The following PRKCZ variants were observed in gnomAD, a reference collection of about 807,000 sequenced individuals.
PRKCZ encodes protein kinase C zeta, also known as protein kinase C zeta type.
PRKCZ carries 33 observed loss-of-function variants against 79.5 expected under a neutral mutation model. The observed-to-expected ratio is 0.41, with a 90% confidence interval of 0.31 to 0.55. The LOEUF (loss-of-function observed/expected upper bound fraction) is 0.55, where lower values mean the gene tolerates loss of function less well. PRKCZ is among the 20% of genes least tolerant of loss of function. The pLI is 0.19. For missense variants in PRKCZ, 578 were observed against 813.5 expected (o/e 0.71, Z 3.52); for synonymous variants, 342 against 320.9 (o/e 1.07, Z -0.70).
chr1:2,130,601 C>T (rs938807555), intron 4 of PRKCZ, among the ~76,000 whole-genome samples: 1 of 152,044 alleles, frequency 6.6e-6, no homozygotes, highest in African/African-American at 2.4e-5. Context: ...CTACAGGGGG[C>T]CCAGCAGGCT....
chr1:2,169,827 C>T (rs1249206943), intron 11 of PRKCZ, among the ~76,000 whole-genome samples: 1 of 136,670 alleles, frequency 7.3e-6, no homozygotes, highest in Non-Finnish European at 1.6e-5. Context: ...TGGAGGGGGC[C>T]GGGGACCTTC....
intron 4 of PRKCZ, among the ~76,000 whole-genome samples, chr1:2,118,090 T>C (rs1161543936): frequency 7.2e-6 from 1 of 138,260 alleles, no homozygotes; most frequent in Non-Finnish European, 1.5e-5. Context: ...TCCGCCTCCC[T>C]GGTTCAAGCG....
chr1:2,057,894 G>C (rs1660326102), intron 3 of PRKCZ, among the ~76,000 whole-genome samples: 1 of 148,856 alleles, frequency 6.7e-6, no homozygotes, highest in African/African-American at 2.5e-5. Context: ...TTTAGTTGGA[G>C]TCTCGCTCTG....
chr1:2,122,534 T>C (rs369235925), intron 4 of PRKCZ, among the ~76,000 whole-genome samples: 168 of 11,416 alleles, frequency 0.015, no homozygotes, highest in African/African-American at 0.13. Context: ...GTTAGGGTCA[T>C]GGTGGTGGTT....
At chr1:2,051,756 C>T (rs1422935321) in intron 1 of PRKCZ, among the ~76,000 whole-genome samples, 3 of 152,036 alleles carry the variant, frequency 2.0e-5, no homozygotes, top group Non-Finnish European at 4.4e-5. Context: ...CGAGTCTGAG[C>T]GGGTTCAGCT....
At chr1:2,167,825 G>A (rs139942408) in intron 10 of PRKCZ, among the ~76,000 whole-genome samples, 179 of 152,244 alleles carry the variant, frequency 1.2e-3, no homozygotes, top group African/African-American at 4.2e-3. Flanking sequence ...GGATGGTCTC[G>A]AACTCCTGAC....
intron 4 of PRKCZ, among the ~76,000 whole-genome samples, chr1:2,126,363 C>A (rs1480877384): frequency 6.6e-6 from 1 of 152,154 alleles, no homozygotes; most frequent in East Asian, 1.9e-4. Context: ...CAGGTGCCGC[C>A]CACAGGTTGT....
intron 16 of PRKCZ, among the ~76,000 whole-genome samples, chr1:2,176,262 G>T (rs984555574): frequency 1.2e-4 from 19 of 152,196 alleles, no homozygotes; most frequent in African/African-American, 4.3e-4. Flanking sequence ...GTCCCGAGGG[G>T]CTCTGCGTGC....
chr1:2,074,165 G>C, intron 4 of PRKCZ: 1 of 1,548,966 alleles, frequency 6.5e-7, no homozygotes, highest in Non-Finnish European at 8.7e-7. Flanking sequence ...GAAACGCAGT[G>C]AGAGGCTGTT....
rs772461115 is a variant in PRKCZ at position 2,150,798 on chromosome 1, G to A, written c.696G>A (p.Lys232=). The change falls in exon 9 of 18, where the codon AAG becomes AAA. Residue 232 remains lysine, a synonymous_variant. Transcript: ENST00000378567. ...DSIKDDSEDL[K]PVIDGMDGIK... is the part of the protein sequence containing the mutation. The stretch of plus-strand genomic sequence containing the variant: ...TTGTTCTCCCTCCCTAGGACCTTAA[G>A]CCAGTTATCGATGGGATGGATGGAA... 6 of 1,613,912 alleles carry A rather than the reference G, an allele frequency of 3.7e-6. No individual in the cohort carries two copies. The highest frequency in any genetic ancestry group is 1.7e-5 in the Admixed American group (1 of 60,012).
chr1:2,118,379 C>T (rs1440893644), intron 4 of PRKCZ, among the ~76,000 whole-genome samples: 5 of 151,102 alleles, frequency 3.3e-5, no homozygotes. Context: ...GCTCTGTCCC[C>T]CAGGCTGGAG....
At chr1:2,068,240 C>G (rs565017963) in intron 4 of PRKCZ, among the ~76,000 whole-genome samples, 2 of 152,220 alleles carry the variant, frequency 1.3e-5, no homozygotes, top group African/African-American at 4.8e-5. Flanking sequence ...GGCTTCGATG[C>G]GGCCATGTGG....
At position 2,149,360 on chromosome 1, in the gene PRKCZ, G is replaced by A. The variant is rs1201608561; in HGVS notation, c.687+436G>A. Among the ~76,000 whole-genome samples, 1 of 152,228 alleles carries A rather than the reference G, an allele frequency of 6.6e-6. No individual in the cohort carries two copies. The highest frequency in any genetic ancestry group is 1.5e-5 in the Non-Finnish European group (1 of 68,032). On this transcript the variant is annotated intron_variant, in intron 8 of 17. Transcript: ENST00000378567. The surrounding 1 kb of genome is among the most constrained non-coding windows in gnomAD (Gnocchi z 4.1). ...AACTTGAGCCAAGAGGCTCAACTGA[G>A]CCTCACGTCTGTGGCCAGCTCTGCA...
chr1:2,080,527 C>T (rs1663301321), intron 4 of PRKCZ, among the ~76,000 whole-genome samples: 1 of 152,154 alleles, frequency 6.6e-6, no homozygotes, highest in South Asian at 2.1e-4. Context: ...TTAGTTCTGT[C>T]ACCCCCTCGT....
Position 2,056,470 on chromosome 1 carries a change from C to G in PRKCZ, c.194-14C>G, listed in dbSNP as rs748744756. On this transcript the variant is annotated splice_polypyrimidine_tract_variant and intron_variant, in intron 2 of 17. Coordinates refer to ENST00000378567, the MANE Select transcript of PRKCZ (RefSeq NM_002744.6). ...GCCTTCGGCGACGTCAGCACCGTCT[C>G]CTGCCCCACCCAGGTGACCCTTGCA... 6 of 1,612,286 alleles carry G rather than the reference C, an allele frequency of 3.7e-6. No individual in the cohort carries two copies. The South Asian group carries it at 4.4e-5, about 12-fold the overall frequency.
At chr1:2,059,937 C>T (rs1660519812) in intron 4 of PRKCZ, among the ~76,000 whole-genome samples, 1 of 152,216 alleles carries the variant, frequency 6.6e-6, no homozygotes, top group African/African-American at 2.4e-5. Flanking sequence ...CAGTCGTCTG[C>T]TCCTCCTGGT....
intron 4 of PRKCZ, among the ~76,000 whole-genome samples, chr1:2,066,131 C>T (rs778597021): frequency 1.3e-5 from 2 of 152,102 alleles, no homozygotes; most frequent in African/African-American, 2.4e-5. Flanking sequence ...ATAATTATGT[C>T]CATGTTCTTA....
In PRKCZ at chr1:2,127,963, T is replaced by G. The variant is rs1674270121; in HGVS notation, c.335-7299T>G. Among the ~76,000 whole-genome samples, 1 of 152,250 alleles carries G rather than the reference T, an allele frequency of 6.6e-6. No individual in the cohort carries two copies. The highest frequency in any genetic ancestry group is 1.5e-5 in the Non-Finnish European group (1 of 68,048). On this transcript the variant is annotated intron_variant, in intron 4 of 17. Transcript: ENST00000378567. This position sits in a 1 kb window ranked among gnomAD's most constrained non-coding sequence, Gnocchi z 5.1. ...GTGTCTCTATTTGCCTAGGACATGC[T>G]GGCAGCTAACTGGGTGCTGGGGAAG... is the stretch of plus-strand genomic sequence containing the variant.
At chr1:2,077,626 T>C (rs1662685329) in intron 4 of PRKCZ, among the ~76,000 whole-genome samples, 1 of 152,248 alleles carries the variant, frequency 6.6e-6, no homozygotes, top group Non-Finnish European at 1.5e-5. Context: ...TTGTAAGGTG[T>C]TGATAGTTCT....
Sources: allele counts gnomAD v4.1 joint callset (sites outside exome capture counted in the v4.1 genomes callset), GRCh38; gene constraint gnomAD v4.1.1; non-coding constraint Gnocchi (gnomAD v3.1); transcripts MANE v1.5; gene names NCBI Gene and HGNC (gene_info 2026-07-23, HGNC 2026-07-21).